PIAS1: variants seen among roughly 807,000 people sequenced by gnomAD.
PIAS1 encodes the protein E3 SUMO-protein ligase PIAS1.
A neutral mutation model predicts 71.3 loss-of-function variants in PIAS1; 6 were observed. The ratio of observed to expected loss-of-function variants is 0.08; its 90% CI spans 0.05 to 0.17. The LOEUF (loss-of-function observed/expected upper bound fraction) is 0.17. Among genes scored for constraint, PIAS1 ranks in the 10% least tolerant of loss-of-function variants. PIAS1 has a pLI of 1.00. For synonymous variants in PIAS1, 303 were observed against 292.9 expected, an observed-to-expected ratio of 1.03 and a Z score of -0.35; for missense variants, 555 against 793.6, an observed-to-expected ratio of 0.70 and a Z score of 3.61.
chr15:68,086,377 A>G lies in PIAS1; in HGVS notation c.96A>G (p.Gly32=), dbSNP rs761938897. ...LLGYAGRNKH[G]RKHELLTKAL... The stretch of plus-strand genomic sequence containing the variant: ...GCTACGCCGGGAGAAACAAGCACGG[A>G]CGCAAACACGAACTTCTCACAAAAG... The change falls in exon 2 of 14, where the codon GGA becomes GGG. Residue 32 remains glycine, a synonymous_variant. Coordinates refer to ENST00000249636, the MANE Select transcript of PIAS1 (RefSeq NM_016166.3). The surrounding 1 kb of genome is among the most constrained non-coding windows in gnomAD (Gnocchi z 7.2). 6.2e-7 allele frequency: 1 copy of G among 1,613,722 alleles called. No individual in the cohort carries two copies. The highest frequency in any genetic ancestry group is 1.1e-5 in the South Asian group (1 of 91,078).
chr15:68,090,303 T>C (rs2092322878), intron 2 of PIAS1, among the ~76,000 whole-genome samples: 1 of 151,930 alleles, frequency 6.6e-6, no homozygotes, highest in South Asian at 2.1e-4. Flanking sequence ...CCCTGGCTCA[T>C]GCAATTTTCC....
intron 2 of PIAS1, among the ~76,000 whole-genome samples, chr15:68,114,705 A>T (rs2092550952): frequency 6.6e-6 from 1 of 151,980 alleles, no homozygotes. Context: ...CTATCATCAG[A>T]ATCTCAATTA....
At chr15:68,161,923 T>C (rs968955008) in intron 7 of PIAS1, among the ~76,000 whole-genome samples, 6 of 151,400 alleles carry the variant, frequency 4.0e-5, no homozygotes, top group African/African-American at 1.5e-4. Context: ...AGTGAGACTC[T>C]GTCTCAAAAA....
intron 2 of PIAS1, among the ~76,000 whole-genome samples, chr15:68,134,858 G>T (rs61359905): frequency 1.3e-3 from 39 of 29,292 alleles, no homozygotes; most frequent in African/African-American, 1.6e-3. Flanking sequence ...CCCCCCCACC[G>T]CCCTCCCGGA....
At chr15:68,116,319 G>A (rs563642440) in intron 2 of PIAS1, among the ~76,000 whole-genome samples, 1 of 152,028 alleles carries the variant, frequency 6.6e-6, no homozygotes, top group African/African-American at 2.4e-5. Context: ...AACTTTGGTA[G>A]TTTTTTGTCT....
chr15:68,193,231 C>G lies in PIAS1; in HGVS notation c.*5396C>G, dbSNP rs980086983. On this transcript the variant is annotated 3_prime_UTR_variant, in exon 14 of 14. Transcript: ENST00000249636. ...GAATTCTCACAGCATTGGAAGCCCC[C>G]TTCTTGAGCTCTGCAAGGCCAGTCA... is the stretch of plus-strand genomic sequence containing the variant. 2 of 152,340 alleles carry G rather than the reference C, an allele frequency of 1.3e-5. No individual in the cohort carries two copies. Among genetic ancestry groups the G allele is most frequent in the African/African-American group, 4.8e-5 (2 of 41,456 alleles). The allele number at this position is 152,340 out of a possible 1,614,324, so 9.4% of individuals were successfully genotyped here.
chr15:68,117,971 C>A (rs530394711), intron 2 of PIAS1, among the ~76,000 whole-genome samples: 1 of 152,294 alleles, frequency 6.6e-6, no homozygotes, highest in Admixed American at 6.5e-5. Context: ...TTCCCACCAT[C>A]ATTATGTTAA....
chr15:68,083,774 A>C (rs902867178), intron 1 of PIAS1, among the ~76,000 whole-genome samples: 1 of 151,954 alleles, frequency 6.6e-6, no homozygotes, highest in Non-Finnish European at 1.5e-5. Context: ...TAAAAAAAAA[A>C]AAAAACACCC....
intron 1 of PIAS1, chr15:68,055,046 C>G (rs2091881159): frequency 5.2e-6 from 1 of 191,456 alleles, no homozygotes; most frequent in Non-Finnish European, 9.6e-6. Context: ...GGACGTTACT[C>G]TTTCTCTCTG....
intron 7 of PIAS1, among the ~76,000 whole-genome samples, chr15:68,158,400 A>G (rs986707649): frequency 1.2e-4 from 18 of 151,978 alleles, no homozygotes; most frequent in African/African-American, 3.6e-4. Flanking sequence ...TAATGTCATT[A>G]TCCTTTGTTT....
At chr15:68,119,719 T>C (rs1240451769) in intron 2 of PIAS1, among the ~76,000 whole-genome samples, 1 of 152,214 alleles carries the variant, frequency 6.6e-6, no homozygotes, top group Non-Finnish European at 1.5e-5. Flanking sequence ...TTCTGTATTC[T>C]TCCAATTTCC....
chr15:68,153,993 A>G (rs1337717833), intron 7 of PIAS1: 1 of 220,904 alleles, frequency 4.5e-6, no homozygotes, highest in Non-Finnish European at 9.0e-6. Flanking sequence ...AAATTTCAAG[A>G]AAGTTATTTT....
intron 2 of PIAS1, among the ~76,000 whole-genome samples, chr15:68,092,235 A>C (rs1034816780): frequency 1.3e-5 from 2 of 151,570 alleles, no homozygotes; most frequent in Non-Finnish European, 2.9e-5. Flanking sequence ...GTGCAGTGGC[A>C]CATTCTTGGC....
intron 11 of PIAS1, 39 bp downstream of exon 11, chr15:68,176,693 A>C: frequency 7.1e-7 from 1 of 1,402,390 alleles, no homozygotes; most frequent in Non-Finnish European, 9.6e-7. Context: ...GTAATCATGA[A>C]AATTAACTTG....
intron 12 of PIAS1, 171 bp downstream of exon 12, chr15:68,181,525 G>A (rs1021560344): frequency 4.3e-5 from 25 of 587,354 alleles, no homozygotes; most frequent in Non-Finnish European, 5.6e-5. Flanking sequence ...GACCCAGTTC[G>A]TTGATTGTAC....
chr15:68,100,691 C>CTG (rs973338603), intron 2 of PIAS1, among the ~76,000 whole-genome samples: 6 of 152,046 alleles, frequency 3.9e-5, no homozygotes, highest in African/African-American at 1.5e-4. Context: ...AGTTGCTGGG[C>CTG]TGTATGGTAG....
At position 68,191,286 on chromosome 15, in the gene PIAS1, T is replaced by G. The variant is rs2093118660; in HGVS notation, c.*3451T>G. On this transcript the variant is annotated 3_prime_UTR_variant, in exon 14 of 14. Coordinates refer to ENST00000249636, the MANE Select transcript of PIAS1 (RefSeq NM_016166.3). ...AAAACTTTCTCTCTTAGAATTTCCA[T>G]ACCGCATGCCAAACCAGTAAAATGG... is the stretch of plus-strand genomic sequence containing the variant. 1 of 152,670 alleles carries G rather than the reference T, an allele frequency of 6.6e-6. No individual in the cohort carries two copies. The allele number at this position is 152,670 out of a possible 1,614,324, so 9.5% of individuals were successfully genotyped here.
chr15:68,138,105 A>G (rs568068106), intron 2 of PIAS1, among the ~76,000 whole-genome samples: 2 of 152,336 alleles, frequency 1.3e-5, no homozygotes, highest in African/African-American at 4.8e-5. Context: ...AGCTATGATC[A>G]TGCCACTGCA....
rs376229227 is a variant in PIAS1 at position 68,060,653 on chromosome 15, A to G, written c.24+6303A>G. The stretch of plus-strand genomic sequence containing the variant: ...AAAAATCCCCCAAAAAACAAACACT[A>G]TACTGAACATTAATATAGAGAAAAT... On this transcript the variant is annotated intron_variant, in intron 1 of 13. Coordinates refer to ENST00000249636, the MANE Select transcript of PIAS1 (RefSeq NM_016166.3). 3.3e-5 allele frequency among the ~76,000 whole-genome samples: 5 copies of G among 152,316 alleles called. No homozygotes were observed. In the East Asian group the frequency reaches 7.7e-4, roughly 24 times the overall value.
Sources: gnomAD v4.1 joint callset for allele counts (sites outside exome capture counted in the v4.1 genomes callset) on GRCh38, gnomAD v4.1.1 for gene constraint, Gnocchi (gnomAD v3.1) non-coding constraint, MANE v1.5 for transcripts, NCBI Gene and HGNC (gene_info 2026-07-23, HGNC 2026-07-21) for gene names.